Variants in TBX15 observed in about 807,000 individuals in gnomAD.
TBX15 encodes the protein T-box transcription factor TBX15.
TBX15 carries 18 observed loss-of-function variants against 53.9 expected under a neutral mutation model. The observed-to-expected ratio is 0.33, with a 90% confidence interval of 0.23 to 0.49. The LOEUF is 0.49. Ranked by LOEUF, TBX15 falls within the 20% of genes least tolerant of loss-of-function variation. The pLI is 0.98. For synonymous variants in TBX15, 295 were observed against 278.0 expected (o/e 1.06, Z -0.61); for missense variants, 692 against 749.5 (o/e 0.92, Z 0.90).
intron 1 of TBX15, among the ~76,000 whole-genome samples, chr1:118,971,018 C>T (rs903454743): frequency 6.6e-6 from 1 of 152,214 alleles, no homozygotes; most frequent in African/African-American, 2.4e-5. Flanking sequence ...TGTTTAAGAA[C>T]ACTAGATAGT....
chr1:118,947,900 G>A (rs1230331118), intron 1 of TBX15, among the ~76,000 whole-genome samples: 4 of 152,098 alleles, frequency 2.6e-5, no homozygotes, highest in African/African-American at 4.8e-5. Flanking sequence ...TTAAAATGGA[G>A]ACGTTAACTG....
upstream of TBX15, among the ~76,000 whole-genome samples, chr1:118,988,657 G>C (rs757731774): frequency 2.5e-4 from 38 of 152,310 alleles, 1 homozygote; most frequent in Admixed American, 9.8e-4. Context: ...GACGCTGCAA[G>C]TCCAGAGTCA....
At chr1:118,925,164 C>T (rs576828176) in intron 3 of TBX15, among the ~76,000 whole-genome samples, 48 of 152,354 alleles carry the variant, frequency 3.2e-4, no homozygotes, top group African/African-American at 1.0e-3. Flanking sequence ...GCATCCTGAA[C>T]TCACATGTCT....
chr1:118,983,714 G>T (rs1364237562), intron 1 of TBX15, among the ~76,000 whole-genome samples: 1 of 152,196 alleles, frequency 6.6e-6, no homozygotes, highest in African/African-American at 2.4e-5. Context: ...GTGCAGGGGC[G>T]TGCACGGCAG....
At chr1:118,960,833 G>A (rs528376328) in intron 1 of TBX15, among the ~76,000 whole-genome samples, 26 of 152,264 alleles carry the variant, frequency 1.7e-4, no homozygotes, top group Non-Finnish European at 2.6e-4. Context: ...GGGCAGAGTC[G>A]AGGTCTGGTC....
chr1:118,947,569 G>A (rs935288899), intron 1 of TBX15, among the ~76,000 whole-genome samples: 20 of 152,242 alleles, frequency 1.3e-4, no homozygotes, highest in African/African-American at 3.9e-4. Context: ...TACTGCTTAC[G>A]CAACTCAATG....
intron 7 of TBX15, among the ~76,000 whole-genome samples, chr1:118,893,307 AAG>A (rs1557872360): frequency 5.0e-4 from 68 of 135,404 alleles, no homozygotes; most frequent in African/African-American, 1.5e-3. Context: ...GGAAGGAAGG[AAG>A]GAAGGAAAGA....
chr1:118,933,018 G>A (rs1655851315), intron 1 of TBX15, among the ~76,000 whole-genome samples: 1 of 152,078 alleles, frequency 6.6e-6, no homozygotes, highest in African/African-American at 2.4e-5. Flanking sequence ...GGTGTCAAGG[G>A]TCAGAGCTTC....
intron 1 of TBX15, among the ~76,000 whole-genome samples, chr1:118,945,208 G>T (rs1470315773): frequency 6.6e-6 from 1 of 152,176 alleles, no homozygotes; most frequent in East Asian, 1.9e-4. Flanking sequence ...AGTGAATTGA[G>T]AGAGCCTGTC....
chr1:118,913,231 AT>A (rs1300055432), intron 6 of TBX15, among the ~76,000 whole-genome samples: 4 of 130,788 alleles, frequency 3.1e-5, no homozygotes, highest in African/African-American at 1.2e-4. Context: ...CCCTCAAACT[AT>A]AAAAAAAAAA....
intron 1 of TBX15, among the ~76,000 whole-genome samples, chr1:118,956,755 A>ATCC (rs1418445803): frequency 6.6e-6 from 1 of 151,522 alleles, no homozygotes; most frequent in East Asian, 2.0e-4. Flanking sequence ...GATCGAGACC[A>ATCC]TCCTGGCTAA....
chr1:118,924,770 G>T lies in TBX15; in HGVS notation c.569C>A (p.Ser190Tyr). ...TATATAAACTCTTGGGGGCACAGGG[G>T]AATCAGCATTGCCAGCCACCATCCA... ...SKWMVAGNAD[S>Y]PVPPRVYIHP... The change falls in exon 4 of 8, where the codon TCC (serine) becomes TAC (tyrosine). Residue 190 changes from serine to tyrosine, a missense_variant. Transcript: ENST00000369429. 6.2e-7 allele frequency: 1 copy of T among 1,614,026 alleles called. No homozygotes were observed. The highest frequency in any genetic ancestry group is 1.3e-5 in the African/African-American group (1 of 75,016).
At chr1:118,980,551 C>T (rs762302791) in intron 1 of TBX15, among the ~76,000 whole-genome samples, 9 of 152,196 alleles carry the variant, frequency 5.9e-5, no homozygotes, top group Admixed American at 1.3e-4. Flanking sequence ...TTTTTACATG[C>T]ATTTCTTACG....
intron 1 of TBX15, among the ~76,000 whole-genome samples, chr1:118,957,610 A>C (rs974436528): frequency 6.6e-6 from 1 of 152,120 alleles, no homozygotes; most frequent in Non-Finnish European, 1.5e-5. Flanking sequence ...TCCTAAAGCT[A>C]TCTCTCCCTC....
At chr1:118,952,874 A>G (rs1656562613) in intron 1 of TBX15, among the ~76,000 whole-genome samples, 1 of 152,168 alleles carries the variant, frequency 6.6e-6, no homozygotes, top group Non-Finnish European at 1.5e-5. Context: ...AGTACAGGAA[A>G]CCACCAGGAA....
intron 7 of TBX15, chr1:118,891,075 G>T: frequency 7.4e-6 from 3 of 404,450 alleles, no homozygotes; most frequent in South Asian, 3.1e-5. Context: ...CTCAACAAAA[G>T]AATTACTTAG....
chr1:118,983,170 C>G (rs1159876299), intron 1 of TBX15, among the ~76,000 whole-genome samples: 1 of 152,126 alleles, frequency 6.6e-6, no homozygotes, highest in Admixed American at 6.5e-5. Flanking sequence ...AGCGCGGGAA[C>G]CTAGGGTGGG....
chr1:118,944,689 T>C (rs1285455039), intron 1 of TBX15, among the ~76,000 whole-genome samples: 3 of 152,176 alleles, frequency 2.0e-5, no homozygotes, highest in Non-Finnish European at 2.9e-5. Context: ...CCTCTCCCTG[T>C]CCCTGCCTAG....
At chr1:118,978,487 A>G (rs1277065005) in intron 1 of TBX15, among the ~76,000 whole-genome samples, 2 of 152,234 alleles carry the variant, frequency 1.3e-5, no homozygotes. Context: ...AGGCCTCATC[A>G]GTGGCTATAA....
Sources: allele counts gnomAD v4.1 joint callset (sites outside exome capture counted in the v4.1 genomes callset), GRCh38; gene constraint gnomAD v4.1.1; transcripts MANE v1.5; gene names NCBI Gene and HGNC (gene_info 2026-07-23, HGNC 2026-07-21).